The following COL21A1 variants were observed in gnomAD, a reference collection of about 807,000 sequenced individuals.
COL21A1 encodes collagen type XXI alpha 1 chain.
Under a neutral mutation model 137.9 loss-of-function variants are expected in COL21A1, and 149 were observed. The ratio of observed to expected loss-of-function variants is 1.08; its 90% CI spans 0.95 to 1.24. The LOEUF is 1.24. Among genes scored for constraint, COL21A1 ranks in the 50% most tolerant of loss-of-function variants. COL21A1 has a pLI of 0.00. For missense variants in COL21A1, 1,167 were observed against 1,158.4 expected (o/e 1.01, Z -0.11); for synonymous variants, 456 against 391.5 (o/e 1.16, Z -1.95).
intron 23 of COL21A1, among the ~76,000 whole-genome samples, chr6:56,065,763 A>G (rs2114062449): frequency 6.6e-6 from 1 of 152,122 alleles, no homozygotes; most frequent in African/African-American, 2.4e-5. Context: ...AGATTCAGTC[A>G]GCCCAGAAGG....
Position 56,067,316 on chromosome 6 carries a change from ATTTCCT to A in COL21A1, c.2100_2105del (p.Lys700_Gly701del). 1.9e-6 allele frequency: 3 copies of A among 1,608,882 alleles called. No individual in the cohort carries two copies. Among genetic ancestry groups the A allele is most frequent in the Non-Finnish European group, 2.5e-6 (3 of 1,176,700 alleles). Reference sequence around the variant, plus strand: ...ATACCTGAATACCTTTTTCACCTTGATTTCCTTTGTCCCCCTACAAAAAGGCAGTTT... The same window carrying A: ...ATACCTGAATACCTTTTTCACCTTGATTGTCCCCCTACAAAAAGGCAGTTT... On this transcript the variant is annotated inframe_deletion, in exon 23 of 30. Coordinates refer to ENST00000244728, the MANE Select transcript of COL21A1 (RefSeq NM_030820.4).
Position 56,168,233 on chromosome 6 carries a change from T to C in COL21A1, c.1091A>G (p.Tyr364Cys). 1 of 1,574,160 alleles carries C rather than the reference T, an allele frequency of 6.4e-7. No homozygotes were observed. Among genetic ancestry groups the C allele is most frequent in the South Asian group, 1.2e-5 (1 of 83,942 alleles). The change falls in exon 6 of 30, where the codon TAT becomes TGT. Residue 364 changes from tyrosine to cysteine, a missense_variant. Transcript: ENST00000244728. ...GTTTTCAATTTGTTGGTCATCAATA[T>C]ACAAAGTCACATCTTGTTCTGTTAC... ...LLVTEQDVTL[Y>C]IDDQQIENKP...
chr6:56,224,020 A>G (rs1415152786), intron 1 of COL21A1, among the ~76,000 whole-genome samples: 1 of 152,058 alleles, frequency 6.6e-6, no homozygotes, highest in Non-Finnish European at 1.5e-5. Context: ...TCCTGACTGG[A>G]ATAAGAAAGG....
chr6:56,258,976 T>C (rs1191689780), intron 1 of COL21A1, among the ~76,000 whole-genome samples: 1 of 152,192 alleles, frequency 6.6e-6, no homozygotes, highest in Non-Finnish European at 1.5e-5. Flanking sequence ...TATTAAGGGC[T>C]CTGCAAAATC....
intron 1 of COL21A1, among the ~76,000 whole-genome samples, chr6:56,355,529 A>G (rs1765810359): frequency 6.6e-6 from 1 of 152,254 alleles, no homozygotes; most frequent in Non-Finnish European, 1.5e-5. Context: ...AAAAACCTGT[A>G]AATTATAAAT....
At chr6:56,061,626 G>T in intron 25 of COL21A1, 23 bp downstream of exon 25, 1 of 1,548,712 alleles carries the variant, frequency 6.5e-7, no homozygotes, top group Non-Finnish European at 8.9e-7. Context: ...GAGCAAGAGA[G>T]CATAATATAT....
At chr6:56,265,948 A>G (rs6904902) in intron 1 of COL21A1, among the ~76,000 whole-genome samples, 24,884 of 152,182 alleles carry the variant, frequency 0.16, 4,353 homozygotes, top group African/African-American at 0.44. Context: ...ATTCGCAACT[A>G]AAGTTTATTA....
intron 17 of COL21A1, among the ~76,000 whole-genome samples, chr6:56,088,363 CA>C (rs921639567): frequency 1.3e-5 from 2 of 150,454 alleles, no homozygotes; most frequent in Admixed American, 1.3e-4. Flanking sequence ...GACTCCATCT[CA>C]AAAAAAAATA....
chr6:56,343,122 C>A (rs1363215276), intron 1 of COL21A1, among the ~76,000 whole-genome samples: 1 of 152,154 alleles, frequency 6.6e-6, no homozygotes, highest in Admixed American at 6.5e-5. Flanking sequence ...GGGGACCCAT[C>A]TGTAAAATAC....
chr6:56,333,185 T>C (rs1257145817), intron 1 of COL21A1, among the ~76,000 whole-genome samples: 1 of 131,428 alleles, frequency 7.6e-6, no homozygotes, highest in Non-Finnish European at 1.6e-5. Flanking sequence ...TTTTGATAAA[T>C]ATACATACTT....
intron 1 of COL21A1, among the ~76,000 whole-genome samples, chr6:56,382,535 G>T (rs1285238405): frequency 6.6e-6 from 1 of 152,156 alleles, no homozygotes; most frequent in Non-Finnish European, 1.5e-5. Context: ...ACTGTGTTTG[G>T]AGATAGGGCT....
At chr6:56,102,424 C>A (rs1770540350) in intron 16 of COL21A1, among the ~76,000 whole-genome samples, 1 of 152,120 alleles carries the variant, frequency 6.6e-6, no homozygotes, top group Admixed American at 6.5e-5. Flanking sequence ...AAGCAAAGTT[C>A]TCTGCAAGCA....
chr6:56,352,934 G>A (rs1451294996), intron 1 of COL21A1, among the ~76,000 whole-genome samples: 6 of 152,024 alleles, frequency 3.9e-5, no homozygotes, highest in Admixed American at 1.3e-4. Flanking sequence ...CCTGCTACTC[G>A]GGAGGCTGAG....
At chr6:56,264,297 T>G (rs897369826) in intron 1 of COL21A1, among the ~76,000 whole-genome samples, 4 of 152,154 alleles carry the variant, frequency 2.6e-5, no homozygotes, top group African/African-American at 9.7e-5. Context: ...GCAACATAAA[T>G]AGAATAACCA....
intron 1 of COL21A1, among the ~76,000 whole-genome samples, chr6:56,375,583 G>C (rs187586958): frequency 6.6e-6 from 1 of 152,136 alleles, no homozygotes; most frequent in Non-Finnish European, 1.5e-5. Context: ...CCAGTGCATG[G>C]TGCCATTATT....
chr6:56,302,159 T>G (rs1764313153), intron 1 of COL21A1, among the ~76,000 whole-genome samples: 1 of 151,868 alleles, frequency 6.6e-6, no homozygotes, highest in Admixed American at 6.6e-5. Context: ...TCCAAGTCTT[T>G]GCTATTGTGA....
intron 1 of COL21A1, among the ~76,000 whole-genome samples, chr6:56,216,956 C>T (rs919928980): frequency 3.3e-5 from 5 of 151,984 alleles, no homozygotes; most frequent in African/African-American, 4.8e-5. Context: ...TGTTCCAAAG[C>T]AACCTACAAG....
chr6:56,101,559 TC>T, intron 16 of COL21A1, 34 bp from the exon 17 acceptor site: 1 of 1,516,706 alleles, frequency 6.6e-7, no homozygotes, highest in Non-Finnish European at 9.0e-7. Flanking sequence ...AATAGAGAAT[TC>T]AGTTTTGAGG....
intron 1 of COL21A1, among the ~76,000 whole-genome samples, chr6:56,283,564 T>C (rs934277825): frequency 6.6e-6 from 1 of 152,188 alleles, no homozygotes; most frequent in Admixed American, 6.5e-5. Flanking sequence ...GAATATGTAC[T>C]GTTTTTTAAA....
Sources: gnomAD v4.1 joint callset for allele counts (sites outside exome capture counted in the v4.1 genomes callset) on GRCh38, gnomAD v4.1.1 for gene constraint, MANE v1.5 for transcripts, NCBI Gene and HGNC (gene_info 2026-07-23, HGNC 2026-07-21) for gene names.